The following SPAG16 variants were observed in gnomAD, a reference collection of about 807,000 sequenced individuals.
The protein encoded by SPAG16 is sperm-associated antigen 16 protein.
SPAG16 carries 86 observed loss-of-function variants against 80.4 expected under a neutral mutation model. That is an observed-to-expected ratio of 1.07 (90% confidence interval 0.90 to 1.28). SPAG16 has a LOEUF of 1.28. SPAG16 is among the 50% of genes most tolerant of loss of function. The pLI is 0.00. For missense variants in SPAG16, 870 were observed against 765.3 expected (o/e 1.14, Z -1.61); for synonymous variants, 294 against 265.9 (o/e 1.11, Z -1.03).
chr2:213,520,225 C>A (rs1180805414), intron 10 of SPAG16, among the ~76,000 whole-genome samples: 1 of 152,088 alleles, frequency 6.6e-6, no homozygotes, highest in African/African-American at 2.4e-5. Context: ...GTTTCTCTTT[C>A]ACAGCCTCCA....
intron 6 of SPAG16, 115 bp downstream of exon 6, chr2:213,340,385 A>G: frequency 1.3e-6 from 1 of 757,856 alleles, no homozygotes. Flanking sequence ...TGAGCATAAG[A>G]TGAGTAAGTT....
intron 10 of SPAG16, among the ~76,000 whole-genome samples, chr2:213,858,792 A>G (rs2075286324): frequency 6.6e-6 from 1 of 152,186 alleles, no homozygotes; most frequent in Non-Finnish European, 1.5e-5. Flanking sequence ...CCCTAAGTAT[A>G]ACTGGGTAAA....
intron 9 of SPAG16, among the ~76,000 whole-genome samples, chr2:213,418,447 A>G (rs992394425): frequency 6.6e-6 from 1 of 152,152 alleles, no homozygotes; most frequent in Non-Finnish European, 1.5e-5. Context: ...TATACCTTCT[A>G]TCATATTTTA....
intron 9 of SPAG16, among the ~76,000 whole-genome samples, chr2:213,479,341 G>A (rs2073622840): frequency 6.6e-6 from 1 of 151,492 alleles, no homozygotes. Context: ...CTCTTACACT[G>A]CTTTTTCTTT....
rs1202677855 is a variant in SPAG16, at chr2:213,707,245, C to A, written c.1071-155240C>A. Among the ~76,000 whole-genome samples the A allele has an allele frequency of 2.6e-5, 4 of 152,198 alleles. No homozygotes were observed. The East Asian group carries it at 5.8e-4, about 22-fold the overall frequency. On this transcript the variant is annotated intron_variant, in intron 10 of 15. Coordinates refer to ENST00000331683, the MANE Select transcript of SPAG16 (RefSeq NM_024532.5). ...GCTTACAAAACCTGTCATGATATGA[C>A]AATTTCTTACCTCTTCAACTTCATC...
intron 9 of SPAG16, among the ~76,000 whole-genome samples, chr2:213,397,273 C>A (rs183596980): frequency 6.4e-4 from 97 of 152,294 alleles, no homozygotes; most frequent in African/African-American, 2.3e-3. Context: ...TATGAGAGAG[C>A]AACAACACAT....
intron 12 of SPAG16, among the ~76,000 whole-genome samples, chr2:213,949,179 T>TTTTTGTTTTTTTTTTTTTTTTTTTG (rs1553677656): frequency 2.8e-5 from 1 of 36,244 alleles, no homozygotes; most frequent in African/African-American, 8.2e-5. Context: ...GTTTTTTTTT[T>TTTTTGTTTTTTTTTTTTTTTTTTTG]TTTTTTTTTT....
At position 214,410,243 on chromosome 2, in the gene SPAG16, G is replaced by A. The variant is rs750408056; in HGVS notation, c.1824G>A (p.Thr608=). 6.2e-7 allele frequency: 1 copy of A among 1,611,926 alleles called. No individual in the cohort carries two copies. The highest frequency in any genetic ancestry group is 8.5e-7 in the Non-Finnish European group (1 of 1,178,048). ...KLMGHENEAH[T]VVFSHDGEIL... ...TGGGCCACGAAAACGAGGCACACAC[G>A]GTTGTGTTTTCTCACGACGGGGAGA... Residue 608 remains threonine, a synonymous_variant, in exon 16 of 16, where the codon ACG becomes ACA. Transcript: ENST00000331683.
chr2:214,015,827 C>T (rs2047565412), intron 13 of SPAG16, among the ~76,000 whole-genome samples: 1 of 152,014 alleles, frequency 6.6e-6, no homozygotes, highest in South Asian at 2.1e-4. Context: ...TATTTGTCCC[C>T]TTTTTAGAAG....
At chr2:213,710,840 T>C (rs777136310) in intron 10 of SPAG16, among the ~76,000 whole-genome samples, 5 of 152,220 alleles carry the variant, frequency 3.3e-5, no homozygotes, top group Admixed American at 6.5e-5. Context: ...CCCATCCTGA[T>C]ATAATGTAAT....
Position 213,761,891 on chromosome 2 carries a change from AC to A in SPAG16, c.1071-100593del, listed in dbSNP as rs568805063. Among the ~76,000 whole-genome samples the A allele has an allele frequency of 1.1e-3, 119 of 112,014 alleles. 1 individual carries two copies. The East Asian group carries it at 0.025, about 23-fold the overall frequency. 73.5% of individuals were successfully genotyped at this position (112,014 alleles called of 152,430 possible). ...AAAAAACAAAAATAAAAACAAAAAAACAAAACAAAAAAAAACCCTACAGACC... is the reference window on the plus strand; with the variant it reads ...AAAAAACAAAAATAAAAACAAAAAAAAAAACAAAAAAAAACCCTACAGACC... On this transcript the variant is annotated intron_variant, in intron 10 of 15. Coordinates refer to ENST00000331683, the MANE Select transcript of SPAG16 (RefSeq NM_024532.5).
intron 10 of SPAG16, among the ~76,000 whole-genome samples, chr2:213,557,555 AG>A (rs1383615032): frequency 1.3e-5 from 2 of 152,144 alleles, no homozygotes; most frequent in Admixed American, 6.6e-5. Context: ...TAGAATGAAA[AG>A]TAAAGGCAAG....
At chr2:214,035,943 T>C (rs961141062) in intron 13 of SPAG16, among the ~76,000 whole-genome samples, 2 of 152,224 alleles carry the variant, frequency 1.3e-5, no homozygotes, top group African/African-American at 4.8e-5. Context: ...GCCGGTGTCA[T>C]GCAGTGGCCG....
intron 12 of SPAG16, among the ~76,000 whole-genome samples, chr2:213,955,081 A>T (rs1559626363): frequency 6.6e-6 from 1 of 151,418 alleles, no homozygotes. Flanking sequence ...TAATTTTCAA[A>T]TTTTTTCCTA....
chr2:214,015,758 C>G (rs1483482341), intron 13 of SPAG16, among the ~76,000 whole-genome samples: 1 of 152,068 alleles, frequency 6.6e-6, no homozygotes, highest in Non-Finnish European at 1.5e-5. Context: ...CTCTGGGGTC[C>G]TGTTGGCTAA....
intron 11 of SPAG16, among the ~76,000 whole-genome samples, chr2:213,910,265 C>T (rs559164530): frequency 4.6e-5 from 7 of 152,150 alleles, no homozygotes; most frequent in East Asian, 1.9e-4. Flanking sequence ...CCACTAGTTA[C>T]GGAAATAGTG....
At chr2:213,347,069 A>T (rs892527871) in intron 6 of SPAG16, among the ~76,000 whole-genome samples, 4 of 152,016 alleles carry the variant, frequency 2.6e-5, no homozygotes, top group African/African-American at 4.8e-5. Flanking sequence ...CAGAGCCTGC[A>T]ATTGGTCTAT....
intron 12 of SPAG16, among the ~76,000 whole-genome samples, chr2:214,001,652 A>C (rs186840431): frequency 8.5e-5 from 13 of 152,352 alleles, no homozygotes; most frequent in African/African-American, 2.6e-4. Flanking sequence ...ATAATATTTT[A>C]AACTAGTTTA....
intron 6 of SPAG16, 111 bp from the exon 7 acceptor site, chr2:213,350,417 A>T: frequency 1.8e-6 from 1 of 567,330 alleles, no homozygotes; most frequent in Non-Finnish European, 3.0e-6. Context: ...ATGATTATTC[A>T]TTTTTATTTC....
Sources: gnomAD v4.1 joint callset for allele counts (sites outside exome capture counted in the v4.1 genomes callset) on GRCh38, gnomAD v4.1.1 for gene constraint, MANE v1.5 for transcripts, NCBI Gene and HGNC (gene_info 2026-07-23, HGNC 2026-07-21) for gene names.